Variants in HHLA1 observed in about 807,000 individuals in gnomAD.
The protein encoded by HHLA1 is HERV-H LTR-associating protein 1.
Under a neutral mutation model 69.9 loss-of-function variants are expected in HHLA1, and 72 were observed. That is an observed-to-expected ratio of 1.03 (90% confidence interval 0.85 to 1.25). HHLA1 has a LOEUF of 1.25. Ranked by LOEUF, HHLA1 falls within the 50% of genes most tolerant of loss-of-function variation. HHLA1 has a pLI of 0.00. For synonymous variants in HHLA1, 252 were observed against 233.2 expected (o/e 1.08, Z -0.73); for missense variants, 685 against 642.2 (o/e 1.07, Z -0.72).
chr8:132,095,562 TGTGGGG>T lies in HHLA1; in HGVS notation c.399_404del (p.Phe133_Thr135delinsLeu). ...GATTGTTTAAACAGTAGCAATACCT[TGTGGGG>T]AATTTGGCGGGGTCTACTGTCTTCA... On this transcript the variant is annotated inframe_deletion, in exon 7 of 17. Coordinates refer to ENST00000414222, the MANE Select transcript of HHLA1 (RefSeq NM_001145095.3). 1 of 1,550,558 alleles carries T rather than the reference TGTGGGG, an allele frequency of 6.4e-7. No individual in the cohort carries two copies. The highest frequency in any genetic ancestry group is 8.7e-7 in the Non-Finnish European group (1 of 1,145,808).
chr8:132,107,874 A>G (rs939413262), intron 1 of HHLA1, among the ~76,000 whole-genome samples: 1 of 152,268 alleles, frequency 6.6e-6, no homozygotes, highest in Admixed American at 6.5e-5. Context: ...CAGACTGGCT[A>G]GACTTCACCT....
chr8:132,069,445 T>C (rs1055404006), intron 15 of HHLA1, among the ~76,000 whole-genome samples: 3 of 152,154 alleles, frequency 2.0e-5, no homozygotes, highest in Admixed American at 2.0e-4. Context: ...TACTCTAGTA[T>C]TTTTGGCCTA....
chr8:132,076,519 G>C lies in HHLA1; in HGVS notation c.1196C>G (p.Thr399Ser). ...TLGAFTHGTQ[T>S]PSPTKATAPR... ...GGCTGTTGCCTTGGTTGGACTCGGA[G>C]TCTGTGTGCCATGGGTGAATGCTCC... The change falls in exon 13 of 17, where the codon ACT becomes AGT. Residue 399 changes from threonine (T) to serine (S), a missense_variant. Thr to Ser is a moderately conservative substitution (Grantham distance 58). Transcript: ENST00000414222. 1 of 1,540,924 alleles carries C rather than the reference G, an allele frequency of 6.5e-7. No individual in the cohort carries two copies. Among genetic ancestry groups the C allele is most frequent in the Non-Finnish European group, 8.8e-7 (1 of 1,142,482 alleles).
chr8:132,073,207 G>A (rs905044926), intron 14 of HHLA1, among the ~76,000 whole-genome samples: 2 of 152,036 alleles, frequency 1.3e-5, no homozygotes, highest in African/African-American at 4.8e-5. Flanking sequence ...TGAAACTCCT[G>A]GGCTCATGTA....
intron 1 of HHLA1, among the ~76,000 whole-genome samples, chr8:132,109,735 T>C (rs1186963095): frequency 6.6e-6 from 1 of 152,188 alleles, no homozygotes; most frequent in Non-Finnish European, 1.5e-5. Context: ...GATACTAAAG[T>C]CCCTTGTCCA....
At chr8:132,082,677 C>T (rs182324716) in intron 10 of HHLA1, among the ~76,000 whole-genome samples, 1,697 of 152,112 alleles carry the variant, frequency 0.011, 35 homozygotes, top group African/African-American at 0.039. Context: ...CAAAGAGAGG[C>T]TGGGACGAGG....
intron 10 of HHLA1, 99 bp from the exon 11 acceptor site, chr8:132,080,065 T>C (rs1823720928): frequency 7.1e-7 from 1 of 1,414,688 alleles, no homozygotes; most frequent in Middle Eastern, 1.7e-4. Context: ...ATGTGGAGAT[T>C]CAAACCTTTC....
intron 14 of HHLA1, among the ~76,000 whole-genome samples, chr8:132,072,987 C>T (rs1823574499): frequency 6.6e-6 from 1 of 152,076 alleles, no homozygotes; most frequent in Admixed American, 6.6e-5. Context: ...CTTTTCCCCT[C>T]AAATTCCCCA....
chr8:132,078,054 C>T (rs891040201), intron 11 of HHLA1, 83 bp from the exon 12 acceptor site: 97 of 1,464,674 alleles, frequency 6.6e-5, no homozygotes, highest in African/African-American at 1.4e-4. Flanking sequence ...GACATTGAAA[C>T]GTTATCAAAG....
intron 16 of HHLA1, among the ~76,000 whole-genome samples, chr8:132,064,272 C>T (rs192064780): frequency 1.9e-4 from 29 of 152,350 alleles, no homozygotes; most frequent in African/African-American, 5.3e-4. Flanking sequence ...CCGTATTTCT[C>T]CACTCACTGC....
chr8:132,100,085 A>G lies in HHLA1; in HGVS notation c.189T>C (p.Leu63=), dbSNP rs1347557808. The part of the protein sequence containing the change: ...EERKEKGVAF[L]ATTELPARSI... ...GGGAGCGGCACTCACCCGTCGTAGCAAGAAATGCCACCCCCTTCTCCTTCC... is the reference window on the plus strand; with the variant it reads ...GGGAGCGGCACTCACCCGTCGTAGCGAGAAATGCCACCCCCTTCTCCTTCC... Residue 63 remains leucine (L), a synonymous_variant, in exon 4 of 17, where the codon CTT becomes CTC. Transcript: ENST00000414222. 2 of 1,551,554 alleles carry G rather than the reference A, an allele frequency of 1.3e-6. No homozygotes were observed. Among genetic ancestry groups the G allele is most frequent in the South Asian group, 1.2e-5 (1 of 84,062 alleles).
intron 4 of HHLA1, among the ~76,000 whole-genome samples, chr8:132,099,854 A>G (rs941598844): frequency 3.2e-4 from 46 of 144,246 alleles, no homozygotes; most frequent in Non-Finnish European, 5.7e-4. Flanking sequence ...AACTCCATCT[A>G]AAAAAAAAAA....
intron 16 of HHLA1, among the ~76,000 whole-genome samples, chr8:132,065,532 T>C (rs1823420964): frequency 6.6e-6 from 1 of 152,216 alleles, no homozygotes. Context: ...TCCGCCCGCC[T>C]TGGCCTCCCA....
rs760792785 is a variant in HHLA1 at position 132,080,022 on chromosome 8, A to G, written c.677-56T>C. 5.4e-5 allele frequency: 84 copies of G among 1,548,250 alleles called. No homozygotes were observed. In the South Asian group the frequency reaches 9.2e-4, roughly 17 times the overall value. On this transcript the variant is annotated intron_variant, in intron 10 of 16. Coordinates refer to ENST00000414222, the MANE Select transcript of HHLA1 (RefSeq NM_001145095.3). ...CATGCTTGACACTTTGGGCATAAAA[A>G]AACTGAAAGGTCACTGGACTGCAAA... is the stretch of plus-strand genomic sequence containing the variant.
At chr8:132,080,954 T>C (rs893823234) in intron 10 of HHLA1, 7 of 152,042 alleles carry the variant, frequency 4.6e-5, no homozygotes, top group African/African-American at 1.7e-4. Flanking sequence ...TTTGTATGAA[T>C]TGAAAAACTA....
chr8:132,109,073 T>C (rs1234128089), intron 1 of HHLA1, among the ~76,000 whole-genome samples: 1 of 152,224 alleles, frequency 6.6e-6, no homozygotes, highest in Non-Finnish European at 1.5e-5. Context: ...AGTGGCACGA[T>C]CTCGGCATAC....
chr8:132,066,177 C>G (rs1823435989), intron 15 of HHLA1, among the ~76,000 whole-genome samples: 1 of 152,174 alleles, frequency 6.6e-6, no homozygotes. Flanking sequence ...GCCAGCAAGA[C>G]TTATTTTTAT....
At chr8:132,105,067 T>G in intron 2 of HHLA1, 120 bp downstream of exon 2, 1 of 781,226 alleles carries the variant, frequency 1.3e-6, no homozygotes, top group East Asian at 2.7e-5. Flanking sequence ...TTCTTGCCAT[T>G]TTGAACAAAT....
rs535848171 is a variant in HHLA1, at chr8:132,070,152, G to T, written c.1469+1188C>A. 2.1e-5 allele frequency: 11 copies of T among 524,954 alleles called. No individual in the cohort carries two copies. The Admixed American group carries it at 2.7e-4, about 13-fold the overall frequency. 32.5% of individuals were successfully genotyped at this position (524,954 alleles called of 1,614,324 possible). On this transcript the variant is annotated intron_variant, in intron 15 of 16. Transcript: ENST00000414222. Reference sequence around the variant, plus strand: ...AGTAGTCTTTGAAAATAACATTAAAGACAGGAGAGATTGGTATCCAGGCCA... The same window carrying T: ...AGTAGTCTTTGAAAATAACATTAAATACAGGAGAGATTGGTATCCAGGCCA...
Sources: allele counts gnomAD v4.1 joint callset (sites outside exome capture counted in the v4.1 genomes callset), GRCh38; gene constraint gnomAD v4.1.1; transcripts MANE v1.5; gene names NCBI Gene and HGNC (gene_info 2026-07-23, HGNC 2026-07-21).